TOMM40: variants seen among roughly 807,000 people sequenced by gnomAD.
TOMM40 encodes the protein translocase of outer mitochondrial membrane 40.
A neutral mutation model predicts 38.4 loss-of-function variants in TOMM40; 9 were observed. The observed-to-expected ratio is 0.23, with a 90% CI of 0.14 to 0.41. The LOEUF (loss-of-function observed/expected upper bound fraction) is 0.41, where lower values mean the gene tolerates loss of function less well. Ranked by LOEUF, TOMM40 falls within the 10% of genes least tolerant of loss-of-function variation. The pLI is 1.00. For missense variants in TOMM40, 299 were observed against 486.5 expected, an observed-to-expected ratio of 0.61 and a Z score of 3.63; for synonymous variants, 184 against 210.0, an observed-to-expected ratio of 0.88 and a Z score of 1.07.
In TOMM40 at chr19:44,903,280, T is replaced by G; in HGVS notation, c.*111T>G. 8.5e-7 allele frequency: 1 copy of G among 1,170,568 alleles called. No homozygotes were observed. The allele number at this position is 1,170,568 out of a possible 1,614,324, so 72.5% of individuals were successfully genotyped here. A position where few individuals can be genotyped will look rare whatever the true frequency, so the allele number is the denominator to read the frequency against. ...CCTCCCTTCCCTCCCCCCTTGGGGG[T>G]CGGGGGGGACATTGGAAAGGAGGGA... On this transcript the variant is annotated 3_prime_UTR_variant, in exon 9 of 9. Transcript: ENST00000426677.
chr19:44,894,598 T>A (rs1568607134), intron 5 of TOMM40, among the ~76,000 whole-genome samples: 3 of 152,048 alleles, frequency 2.0e-5, no homozygotes, highest in Non-Finnish European at 4.4e-5. Context: ...TCTTTTGTAT[T>A]AAAAAATGTT....
chr19:44,891,374 G>A lies in TOMM40; in HGVS notation c.-42G>A. 5 of 1,245,760 alleles carry A rather than the reference G, an allele frequency of 4.0e-6. No homozygotes were observed. Among genetic ancestry groups the A allele is most frequent in the South Asian group, 3.4e-5 (1 of 29,624 alleles). 77.2% of individuals were successfully genotyped at this position (1,245,760 alleles called of 1,614,324 possible). A position where few individuals can be genotyped will look rare whatever the true frequency, so the allele number is the denominator to read the frequency against. On this transcript the variant is annotated 5_prime_UTR_variant, in exon 1 of 9. Coordinates refer to ENST00000426677, the MANE Select transcript of TOMM40 (RefSeq NM_001128917.2). ...CTGGGGCTGAGTCGGGGGCGCGCGG[G>A]CCCTGACCTCTGCCCTCTGACCTCT...
In TOMM40 at chr19:44,891,749, G is replaced by GAC. The variant is rs906910720; in HGVS notation, c.274+63_274+64dup. The GAC allele has an allele frequency of 2.2e-6, 3 of 1,360,228 alleles. No individual in the cohort carries two copies. The African/African-American group carries it at 4.6e-5, about 21-fold the overall frequency. The allele number at this position is 1,360,228 out of a possible 1,614,324, so 84.3% of individuals were successfully genotyped here. Reference sequence around the variant, plus strand: ...GCCTGGATCTCGGGGGAAGGGGGAGGACACTGGGGACTCTGGGATTTGGCG... The same window carrying GAC: ...GCCTGGATCTCGGGGGAAGGGGGAGGACACACTGGGGACTCTGGGATTTGGCG... On this transcript the variant is annotated intron_variant, in intron 1 of 8. Coordinates refer to ENST00000426677, the MANE Select transcript of TOMM40 (RefSeq NM_001128917.2).
intron 5 of TOMM40, among the ~76,000 whole-genome samples, chr19:44,898,405 C>G (rs1002630423): frequency 3.3e-5 from 5 of 152,076 alleles, no homozygotes; most frequent in African/African-American, 9.7e-5. Flanking sequence ...GTGTCTTCCT[C>G]TCCAGGGCTG....
At chr19:44,901,422 C>T (rs1416833513) in intron 8 of TOMM40, 112 bp downstream of exon 8, 3 of 1,512,150 alleles carry the variant, frequency 2.0e-6, no homozygotes, top group East Asian at 4.9e-5. Flanking sequence ...CCCTGTGGGC[C>T]TCCACATTAC....
intron 5 of TOMM40, among the ~76,000 whole-genome samples, chr19:44,899,693 A>G (rs976420366): frequency 7.0e-5 from 10 of 143,288 alleles, no homozygotes; most frequent in Admixed American, 1.5e-4. Context: ...GGGTCTCACT[A>G]TGTCACCTAG....
chr19:44,902,783 G>GA (rs1475901501), intron 8 of TOMM40: 34 of 444,142 alleles, frequency 7.7e-5, no homozygotes, highest in Non-Finnish European at 1.3e-4. Context: ...GGCAGGACTA[G>GA]GTTGGGGGAA....
intron 5 of TOMM40, 44 bp from the exon 6 acceptor site, chr19:44,900,686 T>C (rs752577373): frequency 2.2e-5 from 36 of 1,611,362 alleles, no homozygotes; most frequent in Non-Finnish European, 3.1e-5. Flanking sequence ...GAGTCTAGCC[T>C]GGCACTCAGG....
At chr19:44,902,837 C>T (rs1014881149) in intron 8 of TOMM40, 193 bp from the exon 9 acceptor site, 25 of 643,820 alleles carry the variant, frequency 3.9e-5, no homozygotes, top group South Asian at 2.3e-4. Context: ...GGTCACTGAG[C>T]GGAGAGCAGA....
chr19:44,898,953 A>G (rs1332796311), intron 5 of TOMM40, among the ~76,000 whole-genome samples: 1 of 151,554 alleles, frequency 6.6e-6, no homozygotes, highest in South Asian at 2.1e-4. Context: ...GACCACGGTG[A>G]AACCCCTTCT....
chr19:44,891,440 TCGCCGCCCGCAGGGCCGCCAC>T lies in TOMM40; in HGVS notation c.33_53del (p.Gly13_Ala19del). ...CATGGGGAACGTGTTGGCTGCCAGC[TCGCCGCCCGCAGGGCCGCCAC>T]CGCCGCCTGCGCCGGCCCTCGTGGG... is the stretch of plus-strand genomic sequence containing the variant. On this transcript the variant is annotated inframe_deletion, in exon 1 of 9. Coordinates refer to ENST00000426677, the MANE Select transcript of TOMM40 (RefSeq NM_001128917.2). 7.7e-7 allele frequency: 1 copy of T among 1,293,456 alleles called. No individual in the cohort carries two copies. The highest frequency in any genetic ancestry group is 9.8e-7 in the Non-Finnish European group (1 of 1,025,522). 80.1% of individuals were successfully genotyped at this position (1,293,456 alleles called of 1,614,324 possible).
In TOMM40 at chr19:44,892,848, A is replaced by G; in HGVS notation, c.354A>G (p.Thr118=). 2 of 1,613,724 alleles carry G rather than the reference A, an allele frequency of 1.2e-6. No homozygotes were observed. The highest frequency in any genetic ancestry group is 1.7e-6 in the Non-Finnish European group (2 of 1,179,762). The change falls in exon 3 of 9, where the codon ACA becomes ACG. Residue 118 remains threonine, a synonymous_variant. Coordinates refer to ENST00000426677, the MANE Select transcript of TOMM40 (RefSeq NM_001128917.2). ...GLSNHFQVNH[T]VALSTIGESN... Reference sequence around the variant, plus strand: ...CGCTTTCCTTCCAGGTCAACCACACAGTAGCCCTCAGCACAATCGGGGAGT... The same window carrying G: ...CGCTTTCCTTCCAGGTCAACCACACGGTAGCCCTCAGCACAATCGGGGAGT...
chr19:44,897,185 G>A (rs113426719), intron 5 of TOMM40, among the ~76,000 whole-genome samples: 3 of 152,310 alleles, frequency 2.0e-5, no homozygotes, highest in South Asian at 2.1e-4. Flanking sequence ...GTCACTTGAA[G>A]TTGGGGCATG....
Position 44,903,163 on chromosome 19 carries a change from C to A in TOMM40, c.1080C>A (p.Ile360=). ...NKFQCGFGLT[I]G ...TTCAGTGTGGCTTTGGCCTCACCATCGGCTGAGCCCTCCTGGCCCCCGCCT... is the reference window on the plus strand; with the variant it reads ...TTCAGTGTGGCTTTGGCCTCACCATAGGCTGAGCCCTCCTGGCCCCCGCCT... The change falls in exon 9 of 9, where the codon ATC becomes ATA. Residue 360 remains isoleucine, a synonymous_variant. Transcript: ENST00000426677. 1 of 1,610,130 alleles carries A rather than the reference C, an allele frequency of 6.2e-7. No individual in the cohort carries two copies. Among genetic ancestry groups the A allele is most frequent in the Non-Finnish European group, 8.5e-7 (1 of 1,178,976 alleles).
chr19:44,900,681 TA>T, intron 5 of TOMM40, 48 bp from the exon 6 acceptor site: 1 of 1,611,232 alleles, frequency 6.2e-7, no homozygotes, highest in Non-Finnish European at 8.5e-7. Context: ...AGGTGGAGTC[TA>T]GCCTGGCACT....
At position 44,903,170 on chromosome 19, in the gene TOMM40, G is replaced by T; in HGVS notation, c.*1G>T. On this transcript the variant is annotated 3_prime_UTR_variant, in exon 9 of 9. Coordinates refer to ENST00000426677, the MANE Select transcript of TOMM40 (RefSeq NM_001128917.2). ...TGGCTTTGGCCTCACCATCGGCTGA[G>T]CCCTCCTGGCCCCCGCCTTCCACGC... is the stretch of plus-strand genomic sequence containing the variant. 1 of 1,605,202 alleles carries T rather than the reference G, an allele frequency of 6.2e-7. No individual in the cohort carries two copies. The highest frequency in any genetic ancestry group is 8.5e-7 in the Non-Finnish European group (1 of 1,176,868).
In TOMM40 at chr19:44,903,317, C is replaced by T. The variant is rs1969720093; in HGVS notation, c.*148C>T. The T allele has an allele frequency of 1.2e-6, 1 of 821,666 alleles. No individual in the cohort carries two copies. 50.9% of individuals were successfully genotyped at this position (821,666 alleles called of 1,614,324 possible). On this transcript the variant is annotated 3_prime_UTR_variant, in exon 9 of 9. Transcript: ENST00000426677. ...TTGGAAAGGAGGGACCCCGCCACCC[C>T]AGCAGCTGAGGAGGGGATTCTGGAA...
chr19:44,892,513 C>G, intron 2 of TOMM40, 53 bp downstream of exon 2: 1 of 1,545,396 alleles, frequency 6.5e-7, no homozygotes, highest in South Asian at 1.1e-5. Context: ...CCGTCCCCCT[C>G]CCTGCATCTG....
chr19:44,898,134 C>T (rs1969602525), intron 5 of TOMM40, among the ~76,000 whole-genome samples: 2 of 152,108 alleles, frequency 1.3e-5, no homozygotes, highest in African/African-American at 2.4e-5. Flanking sequence ...TGGGGGTTGC[C>T]GCCTAACACT....
Sources: allele counts gnomAD v4.1 joint callset (sites outside exome capture counted in the v4.1 genomes callset), GRCh38; gene constraint gnomAD v4.1.1; transcripts MANE v1.5; gene names NCBI Gene and HGNC (gene_info 2026-07-23, HGNC 2026-07-21).